Variants in AKR1D1 observed in about 807,000 individuals in gnomAD.
AKR1D1 encodes the protein delta(4)-3-ketosteroid 5-beta-reductase.
AKR1D1 carries 32 observed loss-of-function variants against 42.6 expected under a neutral mutation model. That is an observed-to-expected ratio of 0.75 (90% CI 0.57 to 1.01). The LOEUF (loss-of-function observed/expected upper bound fraction) is 1.01. AKR1D1 is among the 50% of genes least tolerant of loss of function. The probability of loss-of-function intolerance (pLI) is 0.00; values close to 1 mark genes in which losing one functional copy is unlikely to be tolerated. For missense variants in AKR1D1, 364 were observed against 402.2 expected (o/e 0.91, Z 0.81); for synonymous variants, 123 against 135.5 (o/e 0.91, Z 0.64).
Position 138,107,455 on chromosome 7 carries a change from C to A in AKR1D1, c.730C>A (p.Leu244Ile). 6.2e-7 allele frequency: 1 copy of A among 1,614,062 alleles called. No homozygotes were observed. The highest frequency in any genetic ancestry group is 8.5e-7 in the Non-Finnish European group (1 of 1,179,972). ...TCCACCTTTGTTAAAGGATGCACTT[C>A]TAAACTCATTGGGGAAAAGGTACAA... ...SSPPLLKDAL[L>I]NSLGKRYNKT... Residue 244 changes from leucine (L) to isoleucine (I), a missense_variant, in exon 7 of 9, where the codon CTA becomes ATA. Coordinates refer to ENST00000242375, the MANE Select transcript of AKR1D1 (RefSeq NM_005989.4).
chr7:138,087,880 C>T (rs1422466397), intron 1 of AKR1D1, among the ~76,000 whole-genome samples: 3 of 151,158 alleles, frequency 2.0e-5, no homozygotes, highest in African/African-American at 7.3e-5. Context: ...GTCATCAATG[C>T]TACATTTCTT....
intron 7 of AKR1D1, among the ~76,000 whole-genome samples, chr7:138,108,973 C>G (rs972541694): frequency 2.6e-5 from 4 of 152,188 alleles, no homozygotes; most frequent in Non-Finnish European, 5.9e-5. Flanking sequence ...TCCATTGACT[C>G]AGCAGTCTTA....
intron 3 of AKR1D1, 118 bp from the exon 4 acceptor site, chr7:138,097,748 T>C: frequency 2.3e-6 from 2 of 884,138 alleles, no homozygotes; most frequent in Non-Finnish European, 3.5e-6. Context: ...CTGGGTGATT[T>C]AGAAACAATA....
Position 138,116,608 on chromosome 7 carries a change from T to C in AKR1D1, c.939-12T>C, listed in dbSNP as rs375747867. ...GAGTGAACTTTTTTCTGTGGGGGAA[T>C]TGTTTTGGCAGGTGGCGCGATCATC... On this transcript the variant is annotated splice_polypyrimidine_tract_variant and intron_variant, in intron 8 of 8. Transcript: ENST00000242375. 9.9e-6 allele frequency: 16 copies of C among 1,614,034 alleles called. No homozygotes were observed. In the African/African-American group the frequency reaches 1.7e-4, roughly 18 times the overall value.
chr7:138,111,606 C>A (rs2117471786), intron 7 of AKR1D1, among the ~76,000 whole-genome samples: 2 of 152,212 alleles, frequency 1.3e-5, no homozygotes, highest in East Asian at 3.9e-4. Context: ...AATATGAGAT[C>A]CTCATTCACT....
intron 1 of AKR1D1, among the ~76,000 whole-genome samples, chr7:138,079,970 G>A (rs753488852): frequency 3.3e-5 from 5 of 152,170 alleles, no homozygotes; most frequent in Non-Finnish European, 7.3e-5. Flanking sequence ...GGGCCTGCTG[G>A]GTCATATGGC....
At chr7:138,088,558 AC>A (rs1413105414) in intron 1 of AKR1D1, 42 bp from the exon 2 acceptor site, 1 of 1,601,444 alleles carries the variant, frequency 6.2e-7, no homozygotes, top group African/African-American at 1.3e-5. Flanking sequence ...TAAAGGAAAG[AC>A]CATTTCTCTT....
intron 1 of AKR1D1, among the ~76,000 whole-genome samples, chr7:138,085,841 G>A (rs1423356975): frequency 1.3e-5 from 2 of 151,618 alleles, no homozygotes; most frequent in African/African-American, 4.8e-5. Context: ...ATTTGTCTGG[G>A]GCTCCCTTCA....
chr7:138,106,711 C>A lies in AKR1D1; in HGVS notation c.683C>A (p.Pro228Gln), dbSNP rs1794441699. ...AGCCCTTTGGGGACCAGTAGGAATC[C>A]AATCTGGTAAGTAAAACTTTAGGAA... ...AYSPLGTSRN[P>Q]IWVNVSSPPL... is the part of the protein sequence containing the mutation. Residue 228 changes from proline (P) to glutamine (Q), a missense_variant, in exon 6 of 9, where the codon CCA becomes CAA. Pro to Gln is a moderately conservative substitution (Grantham distance 76, BLOSUM62 -1). Transcript: ENST00000242375. 1 of 1,603,098 alleles carries A rather than the reference C, an allele frequency of 6.2e-7. No individual in the cohort carries two copies. The highest frequency in any genetic ancestry group is 1.7e-5 in the Admixed American group (1 of 59,984).
chr7:138,106,491 T>C, intron 5 of AKR1D1, 117 bp from the exon 6 acceptor site: 1 of 766,614 alleles, frequency 1.3e-6, no homozygotes. Flanking sequence ...ATGTATATAG[T>C]ATGAAGGAGA....
chr7:138,081,765 A>G (rs1014425550), intron 1 of AKR1D1, among the ~76,000 whole-genome samples: 5 of 152,090 alleles, frequency 3.3e-5, no homozygotes. Flanking sequence ...TATTTTTAGT[A>G]GAGACGGGGT....
chr7:138,076,604 C>A lies in AKR1D1; in HGVS notation c.86C>A (p.Pro29His), dbSNP rs1288118339. The part of the protein sequence containing the change: ...PIIGLGTYSE[P>H]KSTPKGACAT... ...ATCGGACTTGGTACCTACTCAGAAC[C>A]TAAATCGGTAAGCTTATTTTTTCTC... The change falls in exon 1 of 9, where the codon CCT becomes CAT. Residue 29 changes from proline to histidine, a missense_variant. Transcript: ENST00000242375. The A allele has an allele frequency of 6.2e-7, 1 of 1,611,502 alleles. No individual in the cohort carries two copies. Among genetic ancestry groups the A allele is most frequent in the South Asian group, 1.1e-5 (1 of 91,012 alleles).
intron 7 of AKR1D1, 72 bp from the exon 8 acceptor site, chr7:138,113,618 T>C (rs532824944): frequency 2.7e-5 from 35 of 1,279,476 alleles, no homozygotes; most frequent in Non-Finnish European, 3.8e-5. Context: ...TTTGGAAGGC[T>C]CCCACCGGTG....
chr7:138,101,170 TCCCTCCCTCCCTCCCTC>T (rs1585734548), intron 4 of AKR1D1, among the ~76,000 whole-genome samples: 1 of 29,182 alleles, frequency 3.4e-5, no homozygotes, highest in South Asian at 1.4e-3. Context: ...CCTCCCTCCC[TCCCTCCCTCCCTCCCTC>T]CCTCCCTTCC....
rs369902735 is a variant in AKR1D1, at chr7:138,113,763, A to T, written c.929A>T (p.Glu310Val). 10 of 1,613,918 alleles carry T rather than the reference A, an allele frequency of 6.2e-6. No individual in the cohort carries two copies. Among genetic ancestry groups the T allele is most frequent in the Non-Finnish European group, 8.5e-6 (10 of 1,179,906 alleles). The change falls in exon 8 of 9, where the codon GAA becomes GTA. Residue 310 changes from glutamate (E) to valine (V), a missense_variant. Transcript: ENST00000242375. ...TTGAATAAAAATGTCCGCTTTGTAG[A>T]ATTGCTCATGTAAGTTCCGGGGATC... The part of the protein sequence containing the change: ...EALNKNVRFV[E>V]LLMWRDHPEY...
chr7:138,100,120 A>C (rs1400432437), intron 4 of AKR1D1, among the ~76,000 whole-genome samples: 17 of 129,226 alleles, frequency 1.3e-4, no homozygotes, highest in Non-Finnish European at 2.5e-4. Context: ...AAAAAAAAAC[A>C]TAAAGAGAAA....
chr7:138,094,759 A>G (rs1293792558), intron 3 of AKR1D1, among the ~76,000 whole-genome samples: 1 of 152,174 alleles, frequency 6.6e-6, no homozygotes, highest in Non-Finnish European at 1.5e-5. Context: ...GCCTCAAGCC[A>G]TTCTCCCACT....
chr7:138,113,811 T>C, intron 8 of AKR1D1, 39 bp downstream of exon 8: 1 of 1,549,322 alleles, frequency 6.5e-7, no homozygotes, highest in Non-Finnish European at 8.9e-7. Context: ...TGACCAGTGG[T>C]ATTGAATGGT....
rs1315957925 is a variant in AKR1D1 at position 138,105,409 on chromosome 7, C to T, written c.559C>T (p.His187Tyr). 4 of 1,614,058 alleles carry T rather than the reference C, an allele frequency of 2.5e-6. No individual in the cohort carries two copies. In the South Asian group the frequency reaches 4.4e-5, roughly 18 times the overall value. Residue 187 changes from histidine (H) to tyrosine (Y), a missense_variant, in exon 5 of 9, where the codon CAC (histidine) becomes TAC (tyrosine). His to Tyr is a moderately conservative substitution (Grantham distance 83). Coordinates refer to ENST00000242375, the MANE Select transcript of AKR1D1 (RefSeq NM_005989.4). Reference sequence around the variant, plus strand: ...CATCCTGAACAAGCCAGGACTCAAACACAAGCCAGTCAGCAACCAGGTACA... The same window carrying T: ...CATCCTGAACAAGCCAGGACTCAAATACAAGCCAGTCAGCAACCAGGTACA... ...ELILNKPGLK[H>Y]KPVSNQVECH... is the part of the protein sequence containing the mutation.
Sources: gnomAD v4.1 joint callset for allele counts (sites outside exome capture counted in the v4.1 genomes callset) on GRCh38, gnomAD v4.1.1 for gene constraint, MANE v1.5 for transcripts, NCBI Gene and HGNC (gene_info 2026-07-23, HGNC 2026-07-21) for gene names.